Variants in DPP6 observed in about 807,000 individuals in gnomAD.
The protein encoded by DPP6 is dipeptidyl peptidase like 6, also known as A-type potassium channel modulatory protein DPP6.
A neutral mutation model predicts 122.6 loss-of-function variants in DPP6; 69 were observed. The observed-to-expected ratio is 0.56, with a 90% CI of 0.46 to 0.69. DPP6 has a LOEUF of 0.69. Ranked by LOEUF, DPP6 falls within the 30% of genes least tolerant of loss-of-function variation. The probability of loss-of-function intolerance (pLI) is 0.00; values close to 1 mark genes in which losing one functional copy is unlikely to be tolerated. For synonymous variants in DPP6, 418 were observed against 433.1 expected (o/e 0.97, Z 0.43); for missense variants, 928 against 1,116.9 (o/e 0.83, Z 2.41).
chr7:153,841,798 A>G, the DPP6 span, among the ~76,000 whole-genome samples: 2 of 152,224 alleles, frequency 1.3e-5, no homozygotes, highest in East Asian at 3.8e-4. Flanking sequence ...GCAATAACTG[A>G]TGAGCTATGC....
At chr7:154,007,789 A>T (rs1563095434) in intron 1 of DPP6, among the ~76,000 whole-genome samples, 1 of 152,066 alleles carries the variant, frequency 6.6e-6, no homozygotes, top group Admixed American at 6.5e-5. Context: ...TCTGGAGCCA[A>T]TTCTCCACAG....
intron 16 of DPP6, among the ~76,000 whole-genome samples, chr7:154,822,453 T>C (rs918982060): frequency 3.9e-5 from 6 of 152,156 alleles, no homozygotes. Context: ...GATTTAATCA[T>C]ACCCTAAGGC....
At chr7:154,699,745 G>A (rs35425081) in intron 7 of DPP6, among the ~76,000 whole-genome samples, 3,974 of 152,358 alleles carry the variant, frequency 0.026, 64 homozygotes, top group Non-Finnish European at 0.04. Flanking sequence ...AGAAGCCCTG[G>A]CATGATTGCT....
chr7:153,798,465 T>G, the DPP6 span, among the ~76,000 whole-genome samples: 12 of 152,172 alleles, frequency 7.9e-5, no homozygotes, highest in Non-Finnish European at 5.9e-5. Flanking sequence ...GGCTCTGAGA[T>G]TCATTCAACC....
At chr7:154,352,682 T>C (rs1477719414) in intron 1 of DPP6, among the ~76,000 whole-genome samples, 1 of 131,570 alleles carries the variant, frequency 7.6e-6, no homozygotes, top group Non-Finnish European at 1.6e-5. Context: ...TTGGGGGGTG[T>C]GGGGTAAGGG....
At chr7:154,153,706 C>A (rs10249158) in intron 1 of DPP6, among the ~76,000 whole-genome samples, 23,468 of 140,978 alleles carry the variant, frequency 0.17, no homozygotes, top group African/African-American at 0.37. Flanking sequence ...TTTAGGCTTT[C>A]CAGGACCTAC....
At chr7:153,888,018 C>T (rs1799014539) in intron 1 of DPP6, among the ~76,000 whole-genome samples, 1 of 152,186 alleles carries the variant, frequency 6.6e-6, no homozygotes. Flanking sequence ...GAAGGGGCTG[C>T]GGGGAGCCCT....
At chr7:153,960,666 G>A (rs2531110) in intron 1 of DPP6, among the ~76,000 whole-genome samples, 5 of 96,820 alleles carry the variant, frequency 5.2e-5, no homozygotes, top group African/African-American at 1.7e-4. Context: ...TGTGTGTGCG[G>A]GTGTGTATGT....
At chr7:153,794,725 A>G in the DPP6 span, among the ~76,000 whole-genome samples, 2 of 152,154 alleles carry the variant, frequency 1.3e-5, no homozygotes, top group Non-Finnish European at 2.9e-5. Context: ...CTCAACTTGA[A>G]TTGTATCTCT....
chr7:154,869,886 G>T (rs1174799854), intron 18 of DPP6, among the ~76,000 whole-genome samples: 1 of 128,760 alleles, frequency 7.8e-6, no homozygotes, highest in African/African-American at 3.1e-5. Flanking sequence ...ATGTCCAAAG[G>T]CTGTCTCTCT....
At chr7:154,502,713 T>C (rs1442934944) in intron 3 of DPP6, among the ~76,000 whole-genome samples, 4 of 152,150 alleles carry the variant, frequency 2.6e-5, no homozygotes, top group Admixed American at 6.5e-5. Flanking sequence ...ATACAACTTA[T>C]GAGTTGAATT....
chr7:154,316,944 C>T (rs1435303421), intron 1 of DPP6, among the ~76,000 whole-genome samples: 3 of 152,070 alleles, frequency 2.0e-5, no homozygotes, highest in South Asian at 4.2e-4. Context: ...GTTGGGTAAC[C>T]TCAGTTTCCA....
intron 8 of DPP6, among the ~76,000 whole-genome samples, chr7:154,747,778 G>A (rs928997879): frequency 1.3e-5 from 2 of 152,138 alleles, no homozygotes; most frequent in African/African-American, 4.8e-5. Context: ...GCAATGCGGA[G>A]ACGGTGTCCA....
chr7:154,352,424 C>T (rs1810941794), intron 1 of DPP6, among the ~76,000 whole-genome samples: 1 of 151,878 alleles, frequency 6.6e-6, no homozygotes, highest in Admixed American at 6.6e-5. Context: ...GATCATGCCA[C>T]TGCACTCCAG....
chr7:154,078,563 G>A (rs1373125456), intron 1 of DPP6, among the ~76,000 whole-genome samples: 4 of 152,064 alleles, frequency 2.6e-5, no homozygotes, highest in Non-Finnish European at 5.9e-5. Flanking sequence ...GGTTAGGCTT[G>A]TTAGAGCTCA....
In DPP6 at chr7:154,350,459, G is replaced by A. The variant is rs143653386; in HGVS notation, c.244-95755G>A. 3.2e-4 allele frequency among the ~76,000 whole-genome samples: 49 copies of A among 152,258 alleles called. No homozygotes were observed. The East Asian group carries it at 8.1e-3, about 25-fold the overall frequency. ...TGTGTGTGGTATGGCGTGCTAAGTC[G>A]TAGACCCATTACTTAAAATGACTGT... On this transcript the variant is annotated intron_variant, in intron 1 of 25. Coordinates refer to ENST00000377770, the MANE Select transcript of DPP6 (RefSeq NM_130797.4).
chr7:154,834,830 C>CTT (rs1800920969), intron 16 of DPP6, among the ~76,000 whole-genome samples: 1 of 152,172 alleles, frequency 6.6e-6, no homozygotes, highest in African/African-American at 2.4e-5. Context: ...TGATTTGGGG[C>CTT]CAGTTGTCTA....
intron 1 of DPP6, among the ~76,000 whole-genome samples, chr7:154,421,329 T>C (rs1817456340): frequency 6.7e-6 from 1 of 150,130 alleles, no homozygotes; most frequent in Admixed American, 6.6e-5. Flanking sequence ...TTTTTTTTTT[T>C]TCCTTTTTTT....
chr7:154,743,598 G>GTGC (rs1488450755), intron 8 of DPP6, among the ~76,000 whole-genome samples: 2 of 152,222 alleles, frequency 1.3e-5, no homozygotes, highest in Non-Finnish European at 2.9e-5. Context: ...TTAGCCATCA[G>GTGC]TGCTGCTGCT....
Sources: gnomAD v4.1 joint callset for allele counts (sites outside exome capture counted in the v4.1 genomes callset) on GRCh38, gnomAD v4.1.1 for gene constraint, MANE v1.5 for transcripts, NCBI Gene and HGNC (gene_info 2026-07-23, HGNC 2026-07-21) for gene names.